Variants in GIGYF2 observed in about 807,000 individuals in gnomAD.
GIGYF2 encodes the protein GRB10-interacting GYF protein 2.
A neutral mutation model predicts 208.1 loss-of-function variants in GIGYF2; 25 were observed. The ratio of observed to expected loss-of-function variants is 0.12; its 90% CI spans 0.09 to 0.17. The LOEUF is 0.17. Among genes scored for constraint, GIGYF2 ranks in the 10% least tolerant of loss-of-function variants. GIGYF2 has a pLI of 1.00. For missense variants in GIGYF2, 1,302 were observed against 1,579.4 expected, an observed-to-expected ratio of 0.82 and a Z score of 2.98; for synonymous variants, 534 against 543.8, an observed-to-expected ratio of 0.98 and a Z score of 0.25.
At chr2:232,799,251 A>G (rs1334750279) in intron 14 of GIGYF2, among the ~76,000 whole-genome samples, 4 of 151,948 alleles carry the variant, frequency 2.6e-5, no homozygotes, top group Non-Finnish European at 5.9e-5. Flanking sequence ...ATTGTGAATA[A>G]TGTTGCTATG....
intron 2 of GIGYF2, among the ~76,000 whole-genome samples, chr2:232,708,127 AT>A (rs1696212233): frequency 6.7e-6 from 1 of 149,510 alleles, no homozygotes; most frequent in South Asian, 2.1e-4. Context: ...CACATGGCTA[AT>A]TTTTCTATTT....
intron 5 of GIGYF2, among the ~76,000 whole-genome samples, chr2:232,751,727 C>T (rs1698342580): frequency 6.6e-6 from 1 of 152,066 alleles, no homozygotes; most frequent in African/African-American, 2.4e-5. Context: ...ATGTGGTAGA[C>T]TTTTATTCAA....
intron 8 of GIGYF2, among the ~76,000 whole-genome samples, chr2:232,764,131 A>G (rs1405307109): frequency 6.6e-6 from 1 of 152,232 alleles, no homozygotes; most frequent in Non-Finnish European, 1.5e-5. Context: ...TGGGATCAGA[A>G]TCAAGGTGAA....
Position 232,806,426 on chromosome 2 carries a change from A to G in GIGYF2, c.1640-65A>G, listed in dbSNP as rs1003026648. On this transcript the variant is annotated intron_variant, in intron 14 of 28. Coordinates refer to ENST00000373563, the MANE Select transcript of GIGYF2 (RefSeq NM_001103146.3). This position sits in a 1 kb window ranked among gnomAD's most constrained non-coding sequence, Gnocchi z 4.0. ...TCGATGAGAATCAGATGCAGGAAAT[A>G]TTTTTTTTCTCTTTGAGTCTGAAAG... 7.1e-6 allele frequency: 8 copies of G among 1,131,930 alleles called. No homozygotes were observed. In the African/African-American group the frequency reaches 9.2e-5, roughly 13 times the overall value. 70.1% of individuals were successfully genotyped at this position (1,131,930 alleles called of 1,614,324 possible).
intron 3 of GIGYF2, among the ~76,000 whole-genome samples, chr2:232,741,098 G>A (rs1174843820): frequency 6.6e-6 from 1 of 152,120 alleles, no homozygotes; most frequent in African/African-American, 2.4e-5. Context: ...GGGATATTCA[G>A]CTGCCTATCT....
At chr2:232,702,645 A>C (rs1431773136) in intron 1 of GIGYF2, among the ~76,000 whole-genome samples, 1 of 152,196 alleles carries the variant, frequency 6.6e-6, no homozygotes, top group Non-Finnish European at 1.5e-5. Context: ...GATTTTTAAG[A>C]TATTGCCCCA....
At chr2:232,795,081 G>A (rs1700183596) in intron 13 of GIGYF2, 137 bp downstream of exon 13, 1 of 729,752 alleles carries the variant, frequency 1.4e-6, no homozygotes, top group African/African-American at 1.7e-5. Context: ...GTGTTTATTT[G>A]TACAAGTCAT....
At chr2:232,745,578 GA>G (rs1382498473) in intron 3 of GIGYF2, among the ~76,000 whole-genome samples, 1 of 152,150 alleles carries the variant, frequency 6.6e-6, no homozygotes, top group Non-Finnish European at 1.5e-5. Flanking sequence ...AAACAAATAA[GA>G]ATTAAGGCTT....
chr2:232,805,490 A>G (rs939926663), intron 14 of GIGYF2, among the ~76,000 whole-genome samples: 4 of 152,228 alleles, frequency 2.6e-5, no homozygotes, highest in Admixed American at 6.5e-5. Context: ...CAACTTTATC[A>G]AACATGAATA....
At position 232,806,634 on chromosome 2, in the gene GIGYF2, G is replaced by T; in HGVS notation, c.1783G>T (p.Gly595Cys). Residue 595 changes from glycine to cysteine, a missense_variant, in exon 15 of 29, where the codon GGT (glycine) becomes TGT (cysteine). Coordinates refer to ENST00000373563, the MANE Select transcript of GIGYF2 (RefSeq NM_001103146.3). The surrounding 1 kb of genome is among the most constrained non-coding windows in gnomAD (Gnocchi z 4.0). Reference protein sequence around the residue: ...KMWGRVPFSPGPAPPPHMGEL... With the variant: ...KMWGRVPFSPCPAPPPHMGEL... Reference sequence around the variant, plus strand: ...GTGGGGAAGGGTTCCCTTTTCTCCAGGTCCAGCTCCCCCTCCTCATATGGT... The same window carrying T: ...GTGGGGAAGGGTTCCCTTTTCTCCATGTCCAGCTCCCCCTCCTCATATGGT... 1 of 1,612,938 alleles carries T rather than the reference G, an allele frequency of 6.2e-7. No homozygotes were observed. The highest frequency in any genetic ancestry group is 8.5e-7 in the Non-Finnish European group (1 of 1,178,936).
chr2:232,729,963 T>A (rs1249438646), intron 2 of GIGYF2: 5 of 723,352 alleles, frequency 6.9e-6, no homozygotes, highest in Non-Finnish European at 1.3e-5. Context: ...CACAGGACCA[T>A]ACTTGACCAA....
At chr2:232,756,422 TAA>T (rs1698544400) in intron 6 of GIGYF2, 88 bp downstream of exon 6, 1 of 661,350 alleles carries the variant, frequency 1.5e-6, no homozygotes. Flanking sequence ...CCTGATTTAA[TAA>T]AAACTGTTCT....
At chr2:232,702,648 T>C (rs148111563) in intron 1 of GIGYF2, among the ~76,000 whole-genome samples, 17 of 152,326 alleles carry the variant, frequency 1.1e-4, no homozygotes, top group African/African-American at 4.1e-4. Context: ...TTTTAAGATA[T>C]TGCCCCAACA....
intron 14 of GIGYF2, among the ~76,000 whole-genome samples, chr2:232,798,663 T>C (rs1559440643): frequency 1.3e-5 from 2 of 152,346 alleles, no homozygotes; most frequent in Non-Finnish European, 1.5e-5. Flanking sequence ...ATTTCCCTAA[T>C]GGCTAATGAT....
intron 21 of GIGYF2, among the ~76,000 whole-genome samples, chr2:232,827,684 G>A (rs895578610): frequency 9.2e-5 from 14 of 152,048 alleles, no homozygotes; most frequent in African/African-American, 1.4e-4. Flanking sequence ...TTATCTTTTC[G>A]TTGATTCCTG....
At chr2:232,835,735 G>A (rs543691879) in intron 22 of GIGYF2, among the ~76,000 whole-genome samples, 48 of 152,160 alleles carry the variant, frequency 3.2e-4, no homozygotes, top group Non-Finnish European at 6.8e-4. Context: ...TGGGGATATA[G>A]CACTGGGTGT....
chr2:232,708,023 G>A (rs927249880), intron 2 of GIGYF2, among the ~76,000 whole-genome samples: 2 of 151,896 alleles, frequency 1.3e-5, no homozygotes, highest in East Asian at 1.9e-4. Context: ...GTGCAGTGGT[G>A]TAGTCACAGC....
chr2:232,832,929 A>G lies in GIGYF2; in HGVS notation c.2602A>G (p.Met868Val). The G allele has an allele frequency of 1.3e-6, 2 of 1,566,464 alleles. No individual in the cohort carries two copies. The highest frequency in any genetic ancestry group is 1.7e-6 in the Non-Finnish European group (2 of 1,155,528). Reference protein sequence around the residue: ...QRRLEENRLRMEEEAARLRHE... With the variant: ...QRRLEENRLRVEEEAARLRHE... ...TCGATTAGAGGAGAACCGGCTGCGG[A>G]TGGAAGAGGAGGCAGCCAGACTCCG... The change falls in exon 22 of 29, where the codon ATG (methionine) becomes GTG (valine). Residue 868 changes from methionine (M) to valine (V), a missense_variant. This residue lies in a region of GIGYF2 where 701 missense variants were observed against 793.0 expected (regional missense o/e 0.88). Transcript: ENST00000373563.
chr2:232,798,865 G>T (rs1458666649), intron 14 of GIGYF2, among the ~76,000 whole-genome samples: 2 of 150,080 alleles, frequency 1.3e-5, no homozygotes, highest in African/African-American at 4.9e-5. Context: ...TTAAATATAT[G>T]GTTCAGTGGT....
Sources: gnomAD v4.1 joint callset for allele counts (sites outside exome capture counted in the v4.1 genomes callset) on GRCh38, gnomAD v4.1.1 for gene constraint, gnomAD v4.1.1 regional missense constraint, Gnocchi (gnomAD v3.1) non-coding constraint, MANE v1.5 for transcripts, NCBI Gene and HGNC (gene_info 2026-07-23, HGNC 2026-07-21) for gene names.